PSG6: variants seen among roughly 807,000 people sequenced by gnomAD.
The protein encoded by PSG6 is pregnancy-specific beta-1-glycoprotein 6.
PSG6 carries 51 observed loss-of-function variants against 43.3 expected under a neutral mutation model. That is an observed-to-expected ratio of 1.18 (90% CI 0.94 to 1.49). The LOEUF is 1.49. Ranked by LOEUF, PSG6 falls within the 40% of genes most tolerant of loss-of-function variation. PSG6 has a pLI of 0.00. For missense variants in PSG6, 770 were observed against 522.2 expected (o/e 1.47, Z -4.62); for synonymous variants, 292 against 197.6 (o/e 1.48, Z -4.01).
chr19:42,903,943 C>A (rs1350332650), intron 5 of PSG6, among the ~76,000 whole-genome samples: 1 of 151,408 alleles, frequency 6.6e-6, no homozygotes, highest in Non-Finnish European at 1.5e-5. Flanking sequence ...GCGATTACTA[C>A]CAATTCTAAT....
intron 1 of PSG6, among the ~76,000 whole-genome samples, chr19:42,917,363 C>CTTTT (rs35188962): frequency 8.1e-6 from 1 of 123,340 alleles, no homozygotes; most frequent in African/African-American, 3.2e-5. Flanking sequence ...TCTTTTTATT[C>CTTTT]TTTTTTTTTT....
At chr19:42,907,974 G>A in intron 3 of PSG6, 120 bp from the exon 4 acceptor site, 1 of 1,412,120 alleles carries the variant, frequency 7.1e-7, no homozygotes, top group Non-Finnish European at 9.7e-7. Flanking sequence ...GCCAGTAGCT[G>A]GTGCATGTGT....
intron 4 of PSG6, 125 bp downstream of exon 4, chr19:42,907,451 G>T: frequency 2.0e-6 from 3 of 1,535,390 alleles, no homozygotes; most frequent in East Asian, 4.5e-5. Flanking sequence ...GGGAGTCATG[G>T]CCAGGTCTGA....
intron 3 of PSG6, among the ~76,000 whole-genome samples, chr19:42,908,129 G>A (rs574658311): frequency 6.6e-6 from 1 of 151,718 alleles, no homozygotes; most frequent in East Asian, 1.9e-4. Context: ...CACAGCCCCT[G>A]GTACCCCTCC....
chr19:42,907,592 G>T lies in PSG6; in HGVS notation c.969C>A (p.Val323=). 1.2e-6 allele frequency: 2 copies of T among 1,612,090 alleles called. No individual in the cohort carries two copies. Among genetic ancestry groups the T allele is most frequent in the Non-Finnish European group, 1.7e-6 (2 of 1,179,108 alleles). Residue 323 remains valine, a synonymous_variant, in exon 4 of 6, where the codon GTC becomes GTA. Transcript: ENST00000187910. ...DRYGGIRSNP[V]TLNVLYGPDL... is the part of the protein sequence containing the mutation. ...GATACTCACAGAGGACATTCAGGGT[G>T]ACTGGGTTACTGCGGATGCCACCAT...
rs1052997946 is a variant in PSG6, at chr19:42,917,640, T to C, written c.64+89A>G. On this transcript the variant is annotated intron_variant, in intron 1 of 5. Coordinates refer to ENST00000187910, the MANE Select transcript of PSG6 (RefSeq NM_001031850.4). Reference sequence around the variant, plus strand: ...AGCCTCCCTAAGTGCTGGCTTCTTTTATTTTTTAGAACCCCATCCTCTCCA... The same window carrying C: ...AGCCTCCCTAAGTGCTGGCTTCTTTCATTTTTTAGAACCCCATCCTCTCCA... 6.5e-5 allele frequency: 102 copies of C among 1,561,620 alleles called. 2 individuals are homozygous for C. The highest frequency in any genetic ancestry group is 1.7e-4 in the Middle Eastern group (1 of 5,760).
chr19:42,902,467 G>A, intron 5 of PSG6, 21 bp from the exon 6 acceptor site: 1 of 1,608,650 alleles, frequency 6.2e-7, no homozygotes, highest in South Asian at 1.1e-5. Flanking sequence ...GAAGGCCCAG[G>A]TCAGCGCATT....
intron 5 of PSG6, among the ~76,000 whole-genome samples, chr19:42,904,249 A>G (rs111684450): frequency 0.03 from 4,506 of 151,794 alleles, 152 homozygotes; most frequent in Non-Finnish European, 0.046. Flanking sequence ...AAAGACAAGG[A>G]TGCCTGCTAT....
chr19:42,916,137 C>A lies in PSG6; in HGVS notation c.415G>T (p.Val139Phe), dbSNP rs746297735. ...CGGAATCACTCACAGTATAAGGTGA[C>A]AGTGAAATATCCAGTTACTCCTCCA... ...GTGGVTGYFTVTLYSETPKPS... is the reference protein window; with the variant it reads ...GTGGVTGYFTFTLYSETPKPS... The change falls in exon 2 of 6, where the codon GTC becomes TTC. Residue 139 changes from valine (V) to phenylalanine (F), a missense_variant. Physicochemically the swap from Val to Phe is conservative, Grantham distance 50 (BLOSUM62 -1). Transcript: ENST00000187910. 25 of 1,611,230 alleles carry A rather than the reference C, an allele frequency of 1.6e-5. 1 individual carries two copies. Among genetic ancestry groups the A allele is most frequent in the Middle Eastern group, 1.6e-4 (1 of 6,074 alleles).
intron 5 of PSG6, among the ~76,000 whole-genome samples, chr19:42,904,118 T>C (rs1972077312): frequency 6.6e-6 from 1 of 151,604 alleles, no homozygotes; most frequent in South Asian, 2.1e-4. Context: ...TATTTTTTCA[T>C]AATAAAAACA....
In PSG6 at chr19:42,904,926, C is replaced by T. The variant is rs1040850197; in HGVS notation, c.1240+1996G>A. 4.6e-5 allele frequency among the ~76,000 whole-genome samples: 7 copies of T among 151,548 alleles called. No individual in the cohort carries two copies. The Admixed American group carries it at 4.6e-4, about 10-fold the overall frequency. On this transcript the variant is annotated intron_variant, in intron 5 of 5. Transcript: ENST00000187910. ...AGTAATCAATACAGTGTGGTACTGG[C>T]ATAAAGGAGGACATAGAAATTAATG...
chr19:42,909,252 T>C (rs1972174710), intron 3 of PSG6, among the ~76,000 whole-genome samples: 1 of 151,504 alleles, frequency 6.6e-6, no homozygotes, highest in Admixed American at 6.6e-5. Flanking sequence ...TAGTTTTCGG[T>C]GAATTCCATA....
At chr19:42,917,465 G>T (rs1419621845) in intron 1 of PSG6, among the ~76,000 whole-genome samples, 1 of 146,706 alleles carries the variant, frequency 6.8e-6, no homozygotes, top group Admixed American at 7.0e-5. Flanking sequence ...CTGGGTTCAT[G>T]TGATTATCCT....
intron 2 of PSG6, 63 bp downstream of exon 2, chr19:42,916,062 G>A: frequency 6.2e-7 from 1 of 1,600,012 alleles, no homozygotes; most frequent in Non-Finnish European, 8.5e-7. Context: ...TGACAATTCT[G>A]TGTGTGTGAA....
intron 5 of PSG6, among the ~76,000 whole-genome samples, chr19:42,904,525 A>T (rs1221316137): frequency 6.6e-6 from 1 of 151,760 alleles, no homozygotes; most frequent in Non-Finnish European, 1.5e-5. Flanking sequence ...ATTAAGAAAA[A>T]TAATTTCAAT....
At chr19:42,915,390 G>GTGGACAAACGGCTACC (rs1426766750) in intron 2 of PSG6, 1 of 152,110 alleles carries the variant, frequency 6.6e-6, no homozygotes, top group East Asian at 1.9e-4. Context: ...TCAGATCCCT[G>GTGGACAAACGGCTACC]TGGACAAACG....
chr19:42,917,035 T>G (rs182930927), intron 1 of PSG6, among the ~76,000 whole-genome samples: 50 of 151,516 alleles, frequency 3.3e-4, no homozygotes, highest in Admixed American at 1.4e-3. Context: ...TGCAGACTCC[T>G]GTAGATGTGA....
intron 2 of PSG6, among the ~76,000 whole-genome samples, chr19:42,914,865 A>T (rs193178663): frequency 0.01 from 1,278 of 127,038 alleles, 46 homozygotes; most frequent in African/African-American, 0.043. Flanking sequence ...GGTGACATGG[A>T]CACTTGGGAA....
In PSG6 at chr19:42,916,270, G is replaced by A. The variant is rs779878080; in HGVS notation, c.282C>T (p.Tyr94=). The change falls in exon 2 of 6, where the codon TAC becomes TAT. Residue 94 remains tyrosine (Y), a synonymous_variant. Transcript: ENST00000187910. ...VHGQIIYGPA[Y]SGRETVYSNA... The stretch of plus-strand genomic sequence containing the variant: ...TGGAATATACTGTTTCTCGTCCACT[G>A]TAGGCAGGCCCATATATAATTTGAC... The A allele has an allele frequency of 2.0e-5, 33 of 1,612,076 alleles. 1 individual carries two copies. In the African/African-American group the frequency reaches 2.3e-4, roughly 11 times the overall value.
Sources: allele counts gnomAD v4.1 joint callset (sites outside exome capture counted in the v4.1 genomes callset), GRCh38; gene constraint gnomAD v4.1.1; transcripts MANE v1.5; gene names NCBI Gene and HGNC (gene_info 2026-07-23, HGNC 2026-07-21).